Variants in UBL5 observed in about 807,000 individuals in gnomAD.
The protein encoded by UBL5 is ubiquitin-like protein 5.
In UBL5, 13 loss-of-function variants were observed where a neutral mutation model predicts 11.7. The ratio of observed to expected loss-of-function variants is 1.11; its 90% CI spans 0.73 to 1.77. The LOEUF is 1.77. Among genes scored for constraint, UBL5 ranks in the 40% most tolerant of loss-of-function variants. The pLI is 0.00. For missense variants in UBL5, 58 were observed against 92.3 expected (o/e 0.63, Z 1.52); for synonymous variants, 28 against 34.7 (o/e 0.81, Z 0.68).
At chr19:9,828,570 G>A in intron 2 of UBL5, 22 bp from the exon 3 acceptor site, 3 of 1,614,144 alleles carry the variant, frequency 1.9e-6, no homozygotes, top group Admixed American at 1.7e-5. Flanking sequence ...GCTTCCATTT[G>A]CCTTAACTGC....
rs2046038833 is a variant in UBL5 at position 9,828,634 on chromosome 19, C to T, written c.99C>T (p.Ala33=). 1 of 1,614,042 alleles carries T rather than the reference C, an allele frequency of 6.2e-7. No individual in the cohort carries two copies. The highest frequency in any genetic ancestry group is 1.7e-5 in the Admixed American group (1 of 59,996). The part of the protein sequence containing the change: ...TIGDLKKLIA[A]QTGTRWNKIV... The stretch of plus-strand genomic sequence containing the variant: ...GGGACCTTAAGAAGCTGATTGCAGC[C>T]CAAACTGGTACCCGTTGGAACAAGA... The change falls in exon 3 of 5, where the codon GCC becomes GCT. Residue 33 remains alanine, a synonymous_variant. Coordinates refer to ENST00000586895, the MANE Select transcript of UBL5 (RefSeq NM_001048241.3).
At chr19:9,829,925 C>G (rs370281751) in intron 4 of UBL5, 40 bp from the exon 5 acceptor site, 16 of 1,612,700 alleles carry the variant, frequency 9.9e-6, no homozygotes, top group Admixed American at 5.0e-5. Flanking sequence ...GGGGTGGGGA[C>G]GGAAGTCAGA....
chr19:9,828,253 C>A, intron 1 of UBL5, 74 bp from the exon 2 acceptor site: 2 of 1,415,560 alleles, frequency 1.4e-6, no homozygotes, highest in Non-Finnish European at 2.0e-6. Context: ...GACTTGTAGG[C>A]TGGGGCTTCT....
intron 1 of UBL5, 160 bp from the exon 2 acceptor site, chr19:9,828,167 G>A (rs1211855944): frequency 4.4e-6 from 3 of 683,268 alleles, no homozygotes; most frequent in African/African-American, 3.6e-5. Flanking sequence ...TTGGGGCCTG[G>A]GAGTATTCGA....
chr19:9,828,811 A>G (rs1252760747), intron 3 of UBL5, 26 bp from the exon 4 acceptor site: 5 of 1,613,792 alleles, frequency 3.1e-6, no homozygotes, highest in Non-Finnish European at 4.2e-6. Context: ...CCTTAGCCTT[A>G]TCTCTGAAAT....
chr19:9,830,088 A>G lies in UBL5; in HGVS notation c.*80A>G. 6.4e-7 allele frequency: 1 copy of G among 1,568,400 alleles called. No individual in the cohort carries two copies. The highest frequency in any genetic ancestry group is 8.7e-7 in the Non-Finnish European group (1 of 1,143,742). ...CTGGGATAGATGCTTGTTTGTAAAA[A>G]CTCACCTTAATAAAGACTTAGATGT... On this transcript the variant is annotated 3_prime_UTR_variant, in exon 5 of 5. Transcript: ENST00000586895.
At chr19:9,828,437 T>C (rs1401720888) in intron 2 of UBL5, 44 bp downstream of exon 2, 3 of 1,612,400 alleles carry the variant, frequency 1.9e-6, no homozygotes, top group Admixed American at 1.7e-5. Context: ...GCAGGGGTGC[T>C]TGGCGTGAGG....
chr19:9,828,300 C>A, intron 1 of UBL5, 27 bp from the exon 2 acceptor site: 1 of 1,608,568 alleles, frequency 6.2e-7, no homozygotes, highest in Non-Finnish European at 8.5e-7. Context: ...ACTTTGCTGC[C>A]TCCCACCCAC....
At chr19:9,828,234 G>T in intron 1 of UBL5, 93 bp from the exon 2 acceptor site, 1 of 1,235,470 alleles carries the variant, frequency 8.1e-7, no homozygotes, top group Non-Finnish European at 1.2e-6. Context: ...TTAGGGCCTG[G>T]GACTGGGAGA....
At chr19:9,828,461 C>T in intron 2 of UBL5, 68 bp downstream of exon 2, 3 of 1,606,246 alleles carry the variant, frequency 1.9e-6, no homozygotes, top group Non-Finnish European at 2.6e-6. Flanking sequence ...GCAACTCAAT[C>T]TGTGTTGTCG....
rs760936205 is a variant in UBL5 at position 9,830,052 on chromosome 19, C to T, written c.*44C>T. The T allele has an allele frequency of 3.1e-6, 5 of 1,610,338 alleles. No homozygotes were observed. The highest frequency in any genetic ancestry group is 2.2e-5 in the East Asian group (1 of 44,870). On this transcript the variant is annotated 3_prime_UTR_variant, in exon 5 of 5. Coordinates refer to ENST00000586895, the MANE Select transcript of UBL5 (RefSeq NM_001048241.3). ...CTGCCCCGCTTTCCTCTCCCATCCTCATCCCCCACACTGGGATAGATGCTT... is the reference window on the plus strand; with the variant it reads ...CTGCCCCGCTTTCCTCTCCCATCCTTATCCCCCACACTGGGATAGATGCTT...
rs1377929811 is a variant in UBL5 at position 9,830,025 on chromosome 19, TC to T, written c.*19del. 10 of 1,613,670 alleles carry T rather than the reference TC, an allele frequency of 6.2e-6. No individual in the cohort carries two copies. Among genetic ancestry groups the T allele is most frequent in the Admixed American group, 3.3e-5 (2 of 59,976 alleles). ...TATCAATAGATGAGAATCCTCATCTTCCTGCCCCGCTTTCCTCTCCCATCCT... is the reference window on the plus strand; with the variant it reads ...TATCAATAGATGAGAATCCTCATCTTCTGCCCCGCTTTCCTCTCCCATCCT... On this transcript the variant is annotated 3_prime_UTR_variant, in exon 5 of 5. Coordinates refer to ENST00000586895, the MANE Select transcript of UBL5 (RefSeq NM_001048241.3).
intron 4 of UBL5, chr19:9,829,492 G>A (rs2046043704): frequency 6.4e-6 from 1 of 157,126 alleles, no homozygotes; most frequent in Admixed American, 6.1e-5. Flanking sequence ...AGAAGGAACA[G>A]AAACTTTTTT....
rs564032380 is a variant in UBL5 at position 9,829,598 on chromosome 19, C to A, written c.179-367C>A. ...GCAGCCTCTACCTCCCAGGTTTAAG[C>A]GATTTTCCTGTCTCAGCCTTCCAAG... On this transcript the variant is annotated intron_variant, in intron 4 of 4. Transcript: ENST00000586895. The A allele has an allele frequency of 1.9e-4, 38 of 202,608 alleles. No individual in the cohort carries two copies. In the South Asian group the frequency reaches 3.1e-3, roughly 16 times the overall value. The allele number at this position is 202,608 out of a possible 1,614,324, so 12.6% of individuals were successfully genotyped here.
At chr19:9,828,769 C>T in intron 3 of UBL5, 68 bp from the exon 4 acceptor site, 2 of 1,610,496 alleles carry the variant, frequency 1.2e-6, no homozygotes, top group Non-Finnish European at 1.7e-6. Context: ...TTAGGCTTGG[C>T]TACCTCATTT....
At chr19:9,828,284 GCT>G in intron 1 of UBL5, 41 bp from the exon 2 acceptor site, 1 of 1,594,580 alleles carries the variant, frequency 6.3e-7, no homozygotes, top group Non-Finnish European at 8.6e-7. Flanking sequence ...GACGCCTGAA[GCT>G]CTGACTTTGC....
rs1156540245 is a variant in UBL5 at position 9,828,676 on chromosome 19, G to C, written c.140+1G>C. Reference sequence around the variant, plus strand: ...GGAACAAGATTGTCCTGAAGAAGTGGTGAGTGCAGCGGTAGAGCCACTGGG... The same window carrying C: ...GGAACAAGATTGTCCTGAAGAAGTGCTGAGTGCAGCGGTAGAGCCACTGGG... On this transcript the variant is annotated splice_donor_variant, in intron 3 of 4. Coordinates refer to ENST00000586895, the MANE Select transcript of UBL5 (RefSeq NM_001048241.3). LOFTEE classifies it high-confidence loss of function. 2 of 1,614,246 alleles carry C rather than the reference G, an allele frequency of 1.2e-6. No homozygotes were observed. Among genetic ancestry groups the C allele is most frequent in the Admixed American group, 1.7e-5 (1 of 60,032 alleles).
rs776729122 is a variant in UBL5 at position 9,828,426 on chromosome 19, C to T, written c.56+33C>T. On this transcript the variant is annotated intron_variant, in intron 2 of 4. Coordinates refer to ENST00000586895, the MANE Select transcript of UBL5 (RefSeq NM_001048241.3). ...CTGGCAGCCGAGAGGCAGTGGTACC[C>T]GCAGGGGTGCTTGGCGTGAGGCAGG... 3.1e-6 allele frequency: 5 copies of T among 1,613,566 alleles called. No individual in the cohort carries two copies. In the Admixed American group the frequency reaches 5.0e-5, roughly 16 times the overall value.
intron 4 of UBL5, 35 bp from the exon 5 acceptor site, chr19:9,829,930 G>A (rs2046046494): frequency 6.2e-7 from 1 of 1,613,804 alleles, no homozygotes; most frequent in Admixed American, 1.7e-5. Flanking sequence ...GGGGACGGAA[G>A]TCAGAGTCAG....
Sources: gnomAD v4.1 joint callset for allele counts on GRCh38, gnomAD v4.1.1 for gene constraint, MANE v1.5 for transcripts, NCBI Gene and HGNC (gene_info 2026-07-23, HGNC 2026-07-21) for gene names.